The following KCTD16 variants were observed in gnomAD, a reference collection of about 807,000 sequenced individuals.
KCTD16 encodes the protein potassium channel tetramerization domain containing 16.
KCTD16 carries 13 observed loss-of-function variants against 33.2 expected under a neutral mutation model. The observed-to-expected ratio is 0.39, with a 90% confidence interval of 0.25 to 0.62. The LOEUF (loss-of-function observed/expected upper bound fraction) is 0.62, where lower values mean the gene tolerates loss of function less well. KCTD16 is among the 20% of genes least tolerant of loss of function. KCTD16 has a pLI of 0.50. For synonymous variants in KCTD16, 197 were observed against 195.3 expected, an observed-to-expected ratio of 1.01 and a Z score of -0.07; for missense variants, 441 against 525.1, an observed-to-expected ratio of 0.84 and a Z score of 1.57.
intron 3 of KCTD16, among the ~76,000 whole-genome samples, chr5:144,438,523 CT>C (rs1322125175): frequency 6.6e-6 from 1 of 152,194 alleles, no homozygotes; most frequent in African/African-American, 2.4e-5. Flanking sequence ...AAACCTAGAG[CT>C]TTGAGAGGAG....
chr5:144,259,257 CAAAAAAAAAAAAA>C (rs1166248798), intron 3 of KCTD16, among the ~76,000 whole-genome samples: 1 of 48,386 alleles, frequency 2.1e-5, no homozygotes. Context: ...GACTCCATCT[CAAAAAAAAAAAAA>C]AAAAAAAAAA....
At chr5:144,402,372 A>C (rs1317739912) in intron 3 of KCTD16, among the ~76,000 whole-genome samples, 1 of 152,120 alleles carries the variant, frequency 6.6e-6, no homozygotes, top group African/African-American at 2.4e-5. Flanking sequence ...ACAAATTACA[A>C]GTGTGCCACT....
rs397999492 is a variant in KCTD16 at position 144,388,065 on chromosome 5, G to GTTTTTTTTTTTTTTTTTTTTTTTT, written c.833-85588_833-85565dup. On this transcript the variant is annotated intron_variant, in intron 3 of 3. Coordinates refer to ENST00000512467, the MANE Select transcript of KCTD16 (RefSeq NM_020768.4). ...AATCCAGAGTTCAATTTTAGAGCAA[G>GTTTTTTTTTTTTTTTTTTTTTTTT]TTTTTTTTTTTTTTTTTTTTTTTTT... is the stretch of plus-strand genomic sequence containing the variant. Among the ~76,000 whole-genome samples, 2 of 73,660 alleles carry GTTTTTTTTTTTTTTTTTTTTTTTT rather than the reference G, an allele frequency of 2.7e-5. 1 individual carries two copies. The highest frequency in any genetic ancestry group is 1.2e-4 in the African/African-American group (2 of 16,100). The allele number at this position is 73,660 out of a possible 152,430, so 48.3% of individuals were successfully genotyped here.
At chr5:144,205,929 A>C (rs1214772518) in intron 2 of KCTD16, 1 of 180,012 alleles carries the variant, frequency 5.6e-6, no homozygotes, top group Non-Finnish European at 1.1e-5. Context: ...TCGGTCGTTT[A>C]CCTGTTTGGG....
chr5:144,248,532 T>C (rs1362469598), intron 3 of KCTD16, among the ~76,000 whole-genome samples: 1 of 152,216 alleles, frequency 6.6e-6, no homozygotes, highest in Non-Finnish European at 1.5e-5. Flanking sequence ...AGAAAGAATA[T>C]TATCTGACTT....
chr5:144,459,918 G>A (rs747901185), intron 3 of KCTD16, among the ~76,000 whole-genome samples: 4 of 130,272 alleles, frequency 3.1e-5, no homozygotes, highest in Non-Finnish European at 4.7e-5. Context: ...TGCAAGATCC[G>A]CCTCCCGGGT....
At chr5:144,278,344 C>T (rs1229666606) in intron 3 of KCTD16, among the ~76,000 whole-genome samples, 3 of 151,770 alleles carry the variant, frequency 2.0e-5, no homozygotes. Context: ...TTTAGTTTGT[C>T]CTATTCATAT....
intron 3 of KCTD16, among the ~76,000 whole-genome samples, chr5:144,239,305 A>G (rs957359716): frequency 2.6e-5 from 4 of 152,238 alleles, no homozygotes; most frequent in African/African-American, 7.2e-5. Flanking sequence ...GAACATTATT[A>G]AGAAGTTTGG....
intron 3 of KCTD16, among the ~76,000 whole-genome samples, chr5:144,410,045 C>T (rs560985790): frequency 3.3e-5 from 5 of 152,094 alleles, no homozygotes; most frequent in Non-Finnish European, 7.4e-5. Flanking sequence ...CAGGAAGAGG[C>T]ACTAGCATGT....
intron 3 of KCTD16, among the ~76,000 whole-genome samples, chr5:144,356,499 A>G (rs962883615): frequency 2.2e-4 from 33 of 152,116 alleles, no homozygotes; most frequent in Non-Finnish European, 2.2e-4. Flanking sequence ...AAGATTCTGA[A>G]AGGTCAGTTT....
chr5:144,442,054 A>G (rs369945735), intron 3 of KCTD16, among the ~76,000 whole-genome samples: 12 of 152,136 alleles, frequency 7.9e-5, no homozygotes, highest in Admixed American at 2.6e-4. Context: ...CTTTTGTTAA[A>G]TTTAAATTTA....
At chr5:144,257,720 C>T (rs911754383) in intron 3 of KCTD16, among the ~76,000 whole-genome samples, 2 of 152,120 alleles carry the variant, frequency 1.3e-5, no homozygotes, top group Non-Finnish European at 2.9e-5. Context: ...ATCTCCTGAC[C>T]TCGTGATCCG....
At chr5:144,202,401 T>C (rs555889278) in intron 2 of KCTD16, among the ~76,000 whole-genome samples, 139 of 152,344 alleles carry the variant, frequency 9.1e-4, no homozygotes, top group African/African-American at 3.2e-3. Context: ...TTGTAGAGTG[T>C]ATTGCTTTAT....
intron 3 of KCTD16, among the ~76,000 whole-genome samples, chr5:144,332,360 G>C (rs893463773): frequency 2.0e-5 from 3 of 152,098 alleles, no homozygotes; most frequent in African/African-American, 7.2e-5. Context: ...CATTGGAAGG[G>C]AACAGGGCTG....
At chr5:144,212,133 C>T (rs189633345) in intron 3 of KCTD16, among the ~76,000 whole-genome samples, 285 of 152,232 alleles carry the variant, frequency 1.9e-3, no homozygotes, top group Middle Eastern at 3.4e-3. Context: ...TATAAGGCTT[C>T]ATTATGAAGT....
chr5:144,204,835 GA>G (rs1022910528), intron 2 of KCTD16, among the ~76,000 whole-genome samples: 1 of 151,404 alleles, frequency 6.6e-6, no homozygotes, highest in East Asian at 1.9e-4. Context: ...AATAGAAAAG[GA>G]AAAAAAGGGA....
Position 144,485,107 on chromosome 5 carries a change from T to G in KCTD16, c.*10993T>G, listed in dbSNP as rs1341054560. The G allele has an allele frequency of 6.6e-6, 1 of 151,902 alleles. No individual in the cohort carries two copies. The highest frequency in any genetic ancestry group is 1.5e-5 in the Non-Finnish European group (1 of 67,898). 9.4% of individuals were successfully genotyped at this position (151,902 alleles called of 1,614,324 possible). A position where few individuals can be genotyped will look rare whatever the true frequency, so the allele number is the denominator to read the frequency against. ...ACTGTGACTCTAATAACTCTAACTGTTTTTACCTTGGGATGTAACACTGTA... is the reference window on the plus strand; with the variant it reads ...ACTGTGACTCTAATAACTCTAACTGGTTTTACCTTGGGATGTAACACTGTA... On this transcript the variant is annotated 3_prime_UTR_variant, in exon 4 of 4. Transcript: ENST00000512467.
At chr5:144,466,658 C>A (rs916811685) in intron 3 of KCTD16, among the ~76,000 whole-genome samples, 2 of 151,726 alleles carry the variant, frequency 1.3e-5, no homozygotes, top group African/African-American at 4.8e-5. Flanking sequence ...AAACCAGATG[C>A]TTTGTATTTA....
At chr5:144,472,686 C>T (rs1197536920) in intron 3 of KCTD16, among the ~76,000 whole-genome samples, 1 of 152,088 alleles carries the variant, frequency 6.6e-6, no homozygotes. Flanking sequence ...TCACTATGCT[C>T]ATACTAAGGA....
Sources: gnomAD v4.1 joint callset for allele counts (sites outside exome capture counted in the v4.1 genomes callset) on GRCh38, gnomAD v4.1.1 for gene constraint, MANE v1.5 for transcripts, NCBI Gene and HGNC (gene_info 2026-07-23, HGNC 2026-07-21) for gene names.